Variants in UCK2 observed in about 807,000 individuals in gnomAD.
The protein encoded by UCK2 is uridine-cytidine kinase 2.
Under a neutral mutation model 30.8 loss-of-function variants are expected in UCK2, and 6 were observed. That is an observed-to-expected ratio of 0.19 (90% CI 0.11 to 0.38). UCK2 has a LOEUF of 0.38. Among genes scored for constraint, UCK2 ranks in the 10% least tolerant of loss-of-function variants. UCK2 has a pLI of 1.00. For missense variants in UCK2, 210 were observed against 339.8 expected, an observed-to-expected ratio of 0.62 and a Z score of 3.00; for synonymous variants, 125 against 133.6, an observed-to-expected ratio of 0.94 and a Z score of 0.45.
At chr1:165,861,647 A>C (rs1174088831) in intron 1 of UCK2, among the ~76,000 whole-genome samples, 1 of 65,858 alleles carries the variant, frequency 1.5e-5, no homozygotes, top group Non-Finnish European at 2.9e-5. Flanking sequence ...AAAAAAAAAA[A>C]AACAAAAAAA....
At position 165,887,084 on chromosome 1, in the gene UCK2, TACTTA is replaced by T. The variant is rs768825777; in HGVS notation, c.100-3115_100-3111del. On this transcript the variant is annotated intron_variant, in intron 1 of 6. Coordinates refer to ENST00000367879, the MANE Select transcript of UCK2 (RefSeq NM_012474.5). ...GAGCCAGGACTCTATGAAACCACATTACTTAACTTGGTTTCCTCATCCATGTAGGA... is the reference window on the plus strand; with the variant it reads ...GAGCCAGGACTCTATGAAACCACATTACTTGGTTTCCTCATCCATGTAGGA... Among the ~76,000 whole-genome samples the T allele has an allele frequency of 8.8e-4, 134 of 152,368 alleles. No homozygotes were observed. In the Middle Eastern group the frequency reaches 0.01, roughly 12 times the overall value.
chr1:165,893,558 C>G (rs1571296518), intron 3 of UCK2, among the ~76,000 whole-genome samples: 1 of 152,200 alleles, frequency 6.6e-6, no homozygotes, highest in Non-Finnish European at 1.5e-5. Flanking sequence ...TTACTTGTTG[C>G]AATTACATTT....
At chr1:165,869,838 T>G (rs926993739) in intron 1 of UCK2, among the ~76,000 whole-genome samples, 2 of 151,896 alleles carry the variant, frequency 1.3e-5, no homozygotes, top group African/African-American at 2.4e-5. Context: ...AACTTTTTTG[T>G]GGACGTCTTG....
intron 1 of UCK2, among the ~76,000 whole-genome samples, chr1:165,842,013 G>A (rs1654342869): frequency 6.6e-6 from 1 of 152,196 alleles, no homozygotes; most frequent in Non-Finnish European, 1.5e-5. Context: ...CTATGCTAAA[G>A]CTTTTCTTGC....
At chr1:165,830,143 C>G (rs1386306915) in intron 1 of UCK2, among the ~76,000 whole-genome samples, 6 of 151,684 alleles carry the variant, frequency 4.0e-5, no homozygotes, top group Admixed American at 3.9e-4. Flanking sequence ...GTAGCTGAGA[C>G]TACAGGCTTG....
intron 1 of UCK2, among the ~76,000 whole-genome samples, chr1:165,849,708 A>G (rs777064386): frequency 1.9e-4 from 29 of 152,204 alleles, no homozygotes; most frequent in East Asian, 5.8e-4. Context: ...TTAGGAACCA[A>G]TTTTGGAGAG....
chr1:165,890,297 T>C lies in UCK2; in HGVS notation c.193T>C (p.Tyr65His). The stretch of plus-strand genomic sequence containing the variant: ...GGTCATCCTGAGCCAGGATAGCTTC[T>C]ACCGTGTCCTTACCTCGGAGCAGAA... ...QVVILSQDSF[Y>H]RVLTSEQKAK... is the part of the protein sequence containing the mutation. The change falls in exon 2 of 7, where the codon TAC (tyrosine) becomes CAC (histidine). Residue 65 changes from tyrosine (Y) to histidine (H), a missense_variant. Tyr to His is a moderately conservative substitution (Grantham distance 83). Coordinates refer to ENST00000367879, the MANE Select transcript of UCK2 (RefSeq NM_012474.5). 1 of 1,614,214 alleles carries C rather than the reference T, an allele frequency of 6.2e-7. No homozygotes were observed. Among genetic ancestry groups the C allele is most frequent in the Non-Finnish European group, 8.5e-7 (1 of 1,180,044 alleles).
Position 165,827,632 on chromosome 1 carries a change from T to G in UCK2, c.-202T>G. 1 of 392,608 alleles carries G rather than the reference T, an allele frequency of 2.5e-6. No individual in the cohort carries two copies. Among genetic ancestry groups the G allele is most frequent in the Non-Finnish European group, 4.4e-6 (1 of 225,558 alleles). The allele number at this position is 392,608 out of a possible 1,614,324, so 24.3% of individuals were successfully genotyped here. On this transcript the variant is annotated 5_prime_UTR_variant, in exon 1 of 7. Transcript: ENST00000367879. ...CTGGGATGTAAACCGGACCAGCCGC[T>G]GCGGGCAAAGGAAGGCTCTTGGCTC...
intron 1 of UCK2, among the ~76,000 whole-genome samples, chr1:165,841,699 G>T (rs1479758326): frequency 3.3e-5 from 5 of 152,156 alleles, no homozygotes; most frequent in Admixed American, 3.3e-4. Flanking sequence ...TGTATGTTTA[G>T]GTCTGACTCA....
chr1:165,890,155 C>G, intron 1 of UCK2, 49 bp from the exon 2 acceptor site: 2 of 1,607,400 alleles, frequency 1.2e-6, no homozygotes, highest in Non-Finnish European at 1.7e-6. Flanking sequence ...TCCTCTGTAC[C>G]ACACGTGCCC....
chr1:165,895,316 A>G (rs1413111562), intron 3 of UCK2, among the ~76,000 whole-genome samples: 1 of 152,162 alleles, frequency 6.6e-6, no homozygotes, highest in Non-Finnish European at 1.5e-5. Context: ...TAGGGGGCTG[A>G]GGCGGGAGGA....
intron 1 of UCK2, among the ~76,000 whole-genome samples, chr1:165,834,458 C>G (rs144258397): frequency 6.6e-6 from 1 of 151,930 alleles, no homozygotes; most frequent in Non-Finnish European, 1.5e-5. Flanking sequence ...GAGCAAGACC[C>G]TATATCAGAA....
intron 1 of UCK2, among the ~76,000 whole-genome samples, chr1:165,854,885 C>T (rs529034606): frequency 1.3e-5 from 2 of 152,270 alleles, no homozygotes; most frequent in African/African-American, 2.4e-5. Context: ...CCAACTCGTA[C>T]AGAACCCTAC....
At chr1:165,883,381 AG>A (rs1655548027) in intron 1 of UCK2, among the ~76,000 whole-genome samples, 1 of 152,214 alleles carries the variant, frequency 6.6e-6, no homozygotes, top group Non-Finnish European at 1.5e-5. Flanking sequence ...TCGAGGCTGC[AG>A]TGAGCTAAGA....
chr1:165,834,100 T>G (rs1316880013), intron 1 of UCK2, among the ~76,000 whole-genome samples: 1 of 152,180 alleles, frequency 6.6e-6, no homozygotes, highest in Non-Finnish European at 1.5e-5. Flanking sequence ...TGTTTAATAC[T>G]TGGTGAGTCT....
chr1:165,860,455 G>T (rs1403045865), intron 1 of UCK2, among the ~76,000 whole-genome samples: 1 of 151,838 alleles, frequency 6.6e-6, no homozygotes, highest in Non-Finnish European at 1.5e-5. Context: ...TTGAGACAGG[G>T]TCTCACTTTT....
At chr1:165,849,496 A>C (rs1654539016) in intron 1 of UCK2, among the ~76,000 whole-genome samples, 4 of 152,166 alleles carry the variant, frequency 2.6e-5, no homozygotes, top group Non-Finnish European at 5.9e-5. Flanking sequence ...TAAGATTGAG[A>C]GGGATGGTGG....
chr1:165,832,598 A>G (rs1001425500), intron 1 of UCK2, among the ~76,000 whole-genome samples: 1 of 151,864 alleles, frequency 6.6e-6, no homozygotes, highest in Non-Finnish European at 1.5e-5. Context: ...TGGGATTAGG[A>G]TCTAGGGTTT....
At chr1:165,851,828 T>G (rs1478685521) in intron 1 of UCK2, among the ~76,000 whole-genome samples, 1 of 152,076 alleles carries the variant, frequency 6.6e-6, no homozygotes, top group African/African-American at 2.4e-5. Flanking sequence ...CACTTACGAG[T>G]GAGAATATGA....
Sources: gnomAD v4.1 joint callset for allele counts (sites outside exome capture counted in the v4.1 genomes callset) on GRCh38, gnomAD v4.1.1 for gene constraint, MANE v1.5 for transcripts, NCBI Gene and HGNC (gene_info 2026-07-23, HGNC 2026-07-21) for gene names.